The following MAGI1 variants were observed in gnomAD, a reference collection of about 807,000 sequenced individuals.
The protein encoded by MAGI1 is membrane associated guanylate kinase, WW and PDZ domain containing 1.
In MAGI1, 58 loss-of-function variants were observed where a neutral mutation model predicts 139.9. The ratio of observed to expected loss-of-function variants is 0.41; its 90% CI spans 0.34 to 0.52. MAGI1 has a LOEUF of 0.52. Ranked by LOEUF, MAGI1 falls within the 20% of genes least tolerant of loss-of-function variation. MAGI1 has a pLI of 0.12. For synonymous variants in MAGI1, 812 were observed against 737.9 expected (o/e 1.10, Z -1.63); for missense variants, 1,874 against 1,901.6 (o/e 0.99, Z 0.27).
At position 65,824,101 on chromosome 3, in the gene MAGI1, A is replaced by G. The variant is rs144221853; in HGVS notation, c.314-202013T>C. ...GGTTACTGATTATTTTTACCACACA[A>G]TTTTTTTCCTTAGGAAAATTTTAAG... On this transcript the variant is annotated intron_variant, in intron 1 of 22. Transcript: ENST00000402939. Among the ~76,000 whole-genome samples, 341 of 152,248 alleles carry G rather than the reference A, an allele frequency of 2.2e-3. 6 individuals are homozygous for G. Among genetic ancestry groups the G allele is most frequent in the African/African-American group, 7.8e-3 (324 of 41,530 alleles).
At chr3:65,889,631 C>T (rs1041710273) in intron 1 of MAGI1, among the ~76,000 whole-genome samples, 1 of 152,162 alleles carries the variant, frequency 6.6e-6, no homozygotes, top group Non-Finnish European at 1.5e-5. Context: ...CAGTGCAACA[C>T]AGGAGTTTAA....
intron 1 of MAGI1, among the ~76,000 whole-genome samples, chr3:65,802,158 A>C (rs1422019678): frequency 6.6e-6 from 1 of 152,110 alleles, no homozygotes; most frequent in African/African-American, 2.4e-5. Context: ...CTGCCCTAAA[A>C]CATCTTCATT....
At chr3:65,851,514 CGAG>C (rs2059202559) in intron 1 of MAGI1, among the ~76,000 whole-genome samples, 1 of 151,962 alleles carries the variant, frequency 6.6e-6, no homozygotes, top group Non-Finnish European at 1.5e-5. Context: ...TTTGGGAGGC[CGAG>C]GTGGGCGGAT....
intron 12 of MAGI1, chr3:65,401,842 A>G: frequency 8.0e-7 from 1 of 1,248,906 alleles, no homozygotes; most frequent in Non-Finnish European, 1.0e-6. Flanking sequence ...TTTCCTTTCC[A>G]CACGATCCAC....
intron 1 of MAGI1, among the ~76,000 whole-genome samples, chr3:65,635,344 T>G (rs1443231145): frequency 1.3e-5 from 2 of 152,190 alleles, no homozygotes; most frequent in African/African-American, 2.4e-5. Flanking sequence ...ATTACAGGTG[T>G]GAGCCACCAT....
intron 1 of MAGI1, among the ~76,000 whole-genome samples, chr3:65,933,794 A>G (rs6762831): frequency 0.26 from 38,827 of 152,164 alleles, 5,777 homozygotes; most frequent in Non-Finnish European, 0.33. Flanking sequence ...GTTTATCATC[A>G]TATGTATGCA....
At chr3:65,578,585 G>C (rs1178418853) in intron 2 of MAGI1, among the ~76,000 whole-genome samples, 1 of 152,106 alleles carries the variant, frequency 6.6e-6, no homozygotes, top group African/African-American at 2.4e-5. Flanking sequence ...GACAGTCATG[G>C]GGGAAAATGA....
intron 5 of MAGI1, among the ~76,000 whole-genome samples, chr3:65,468,961 A>ATAAATAAAT (rs1950369207): frequency 6.7e-6 from 1 of 149,942 alleles, no homozygotes; most frequent in South Asian, 2.1e-4. Flanking sequence ...AAATAAATAA[A>ATAAATAAAT]TAAATAAATA....
intron 1 of MAGI1, among the ~76,000 whole-genome samples, chr3:65,769,612 G>A (rs983126618): frequency 2.2e-4 from 33 of 152,194 alleles, no homozygotes; most frequent in Admixed American, 7.9e-4. Context: ...TGATGGACAT[G>A]CAATTGAAAA....
intron 2 of MAGI1, among the ~76,000 whole-genome samples, chr3:65,577,035 T>C (rs2081207803): frequency 6.6e-6 from 1 of 152,138 alleles, no homozygotes; most frequent in South Asian, 2.1e-4. Context: ...TCACATACCA[T>C]GGCACATTAA....
intron 17 of MAGI1, among the ~76,000 whole-genome samples, chr3:65,378,946 T>C (rs1942803666): frequency 6.6e-6 from 1 of 152,128 alleles, no homozygotes; most frequent in African/African-American, 2.4e-5. Context: ...CCTCCCAAAG[T>C]GCTGGGATTA....
intron 12 of MAGI1, among the ~76,000 whole-genome samples, chr3:65,407,630 A>T (rs757780319): frequency 6.6e-6 from 1 of 152,202 alleles, no homozygotes; most frequent in African/African-American, 2.4e-5. Context: ...AACTGTGCAT[A>T]GAATATATAA....
intron 1 of MAGI1, among the ~76,000 whole-genome samples, chr3:65,699,173 T>C (rs1335272375): frequency 1.0e-5 from 1 of 98,774 alleles, no homozygotes; most frequent in Non-Finnish European, 2.0e-5. Flanking sequence ...AAAACCACAA[T>C]GAGATACCAT....
rs562234114 is a variant in MAGI1 at position 65,372,774 on chromosome 3, T to C, written c.3196+2971A>G. On this transcript the variant is annotated intron_variant, in intron 18 of 22. Coordinates refer to ENST00000402939, the MANE Select transcript of MAGI1 (RefSeq NM_001033057.2). ...GCTGCTTCCCCTTATACTTTTATGT[T>C]ACGGAGATGGTTTATTTCTTTAAAT... Among the ~76,000 whole-genome samples, 7 of 152,374 alleles carry C rather than the reference T, an allele frequency of 4.6e-5. No homozygotes were observed. In the South Asian group the frequency reaches 1.4e-3, roughly 32 times the overall value.
intron 2 of MAGI1, among the ~76,000 whole-genome samples, chr3:65,589,389 C>T (rs1353050504): frequency 6.6e-6 from 1 of 152,084 alleles, no homozygotes; most frequent in African/African-American, 2.4e-5. Flanking sequence ...CTAAGTCACC[C>T]TTCCTAGGAC....
chr3:65,693,023 C>A (rs1426778663), intron 1 of MAGI1, among the ~76,000 whole-genome samples: 2 of 152,082 alleles, frequency 1.3e-5, no homozygotes, highest in Non-Finnish European at 1.5e-5. Flanking sequence ...CCTTGACTTC[C>A]TGGGCTCAAG....
intron 1 of MAGI1, among the ~76,000 whole-genome samples, chr3:65,737,015 T>C (rs984172821): frequency 3.9e-5 from 6 of 152,174 alleles, no homozygotes; most frequent in Non-Finnish European, 7.4e-5. Flanking sequence ...TTTTTTTTTT[T>C]TTCTTTTTGA....
chr3:65,475,918 A>T (rs1487277802), intron 4 of MAGI1, among the ~76,000 whole-genome samples: 2 of 152,044 alleles, frequency 1.3e-5, no homozygotes, highest in South Asian at 4.1e-4. Flanking sequence ...TAAGATAGAA[A>T]CAGCAGCAAG....
intron 1 of MAGI1, among the ~76,000 whole-genome samples, chr3:65,905,160 A>G (rs2061386087): frequency 6.6e-6 from 1 of 152,206 alleles, no homozygotes; most frequent in Non-Finnish European, 1.5e-5. Context: ...GATTTAAATG[A>G]TATGATATTC....
Sources: gnomAD v4.1 joint callset for allele counts (sites outside exome capture counted in the v4.1 genomes callset) on GRCh38, gnomAD v4.1.1 for gene constraint, MANE v1.5 for transcripts, NCBI Gene and HGNC (gene_info 2026-07-23, HGNC 2026-07-21) for gene names.